The following GBF1 variants were observed in gnomAD, a reference collection of about 807,000 sequenced individuals.
GBF1 encodes the protein Golgi-specific brefeldin A-resistance guanine nucleotide exchange factor 1.
In GBF1, 114 loss-of-function variants were observed where a neutral mutation model predicts 210.5. That is an observed-to-expected ratio of 0.54 (90% CI 0.47 to 0.63). The LOEUF (loss-of-function observed/expected upper bound fraction) is 0.63, where lower values mean the gene tolerates loss of function less well. Among genes scored for constraint, GBF1 ranks in the 30% least tolerant of loss-of-function variants. The probability of loss-of-function intolerance (pLI) is 0.00; values close to 1 mark genes in which losing one functional copy is unlikely to be tolerated. For synonymous variants in GBF1, 850 were observed against 889.2 expected (o/e 0.96, Z 0.78); for missense variants, 1,851 against 2,357.7 (o/e 0.79, Z 4.45).
At chr10:102,342,919 A>C (rs570442991) in intron 3 of GBF1, among the ~76,000 whole-genome samples, 10 of 152,262 alleles carry the variant, frequency 6.6e-5, no homozygotes, top group Non-Finnish European at 1.2e-4. Flanking sequence ...TCATCTATTT[A>C]GGTAGAATAG....
In GBF1 at chr10:102,333,477, T is replaced by C. The variant is rs575873437; in HGVS notation, c.164-10574T>C. On this transcript the variant is annotated intron_variant, in intron 3 of 39. Transcript: ENST00000369983. ...TTGGACCACTACCCCTCTTTTTTTT[T>C]TTTTTCTTTTTGAAACAGGGTTCCA... Among the ~76,000 whole-genome samples the C allele has an allele frequency of 5.3e-5, 8 of 152,214 alleles. No homozygotes were observed. The East Asian group carries it at 1.5e-3, about 29-fold the overall frequency.
intron 12 of GBF1, 87 bp from the exon 13 acceptor site, chr10:102,360,935 A>T: frequency 1.4e-6 from 1 of 737,540 alleles, no homozygotes; most frequent in Non-Finnish European, 2.4e-6. Flanking sequence ...AGATTGCGCC[A>T]CTGCACTCCA....
At chr10:102,285,592 T>C (rs2075865465) in intron 3 of GBF1, among the ~76,000 whole-genome samples, 1 of 152,224 alleles carries the variant, frequency 6.6e-6, no homozygotes, top group South Asian at 2.1e-4. Context: ...CTCTCTTTTT[T>C]AGTCTCTCAG....
At chr10:102,364,097 G>GGTTA (rs1284910341) in intron 17 of GBF1, among the ~76,000 whole-genome samples, 1 of 152,036 alleles carries the variant, frequency 6.6e-6, no homozygotes, top group African/African-American at 2.4e-5. Context: ...GGTCATTGAA[G>GGTTA]GTTACTGTCA....
intron 14 of GBF1, 104 bp from the exon 15 acceptor site, chr10:102,362,370 TA>T (rs1215077720): frequency 6.0e-6 from 5 of 835,862 alleles, no homozygotes; most frequent in Non-Finnish European, 9.7e-6. Flanking sequence ...AGACGTTTTC[TA>T]AGGGCAATGT....
At chr10:102,297,177 A>G (rs1447279378) in intron 3 of GBF1, among the ~76,000 whole-genome samples, 1 of 152,248 alleles carries the variant, frequency 6.6e-6, no homozygotes, top group Non-Finnish European at 1.5e-5. Context: ...CACTGCCACT[A>G]AAAATTGCTG....
intron 3 of GBF1, among the ~76,000 whole-genome samples, chr10:102,291,558 T>G (rs1376072057): frequency 1.3e-5 from 2 of 152,228 alleles, no homozygotes. Flanking sequence ...TGTTTCCAGC[T>G]CTCAGAAAGG....
chr10:102,302,108 T>C (rs925992338), intron 3 of GBF1, among the ~76,000 whole-genome samples: 16 of 151,834 alleles, frequency 1.1e-4, no homozygotes, highest in African/African-American at 3.9e-4. Flanking sequence ...ACCAAAAAAA[T>C]AGAAAAACCA....
At chr10:102,246,580 C>T (rs566958928) in intron 1 of GBF1, among the ~76,000 whole-genome samples, 58 of 152,216 alleles carry the variant, frequency 3.8e-4, no homozygotes, top group Admixed American at 9.8e-4. Context: ...TGAATACTGG[C>T]AAAGTTTGGT....
At chr10:102,231,869 TCGC>T in the GBF1 span, 95 of 1,566,810 alleles carry the variant, frequency 6.1e-5, no homozygotes, top group Non-Finnish European at 7.1e-5. Flanking sequence ...CCTAAGCCAC[TCGC>T]TGGCTCCCAC....
intron 33 of GBF1, among the ~76,000 whole-genome samples, chr10:102,377,422 C>T (rs745895674): frequency 3.4e-4 from 51 of 151,882 alleles, no homozygotes; most frequent in Non-Finnish European, 5.7e-4. Flanking sequence ...GGCGTGATCT[C>T]GGCTCACTGC....
chr10:102,338,776 G>T (rs1410106066), intron 3 of GBF1, among the ~76,000 whole-genome samples: 2 of 151,626 alleles, frequency 1.3e-5, no homozygotes, highest in Non-Finnish European at 2.9e-5. Context: ...GAGATACCCC[G>T]TCTCTACTAA....
intron 3 of GBF1, among the ~76,000 whole-genome samples, chr10:102,281,576 A>G (rs1046069788): frequency 9.4e-5 from 14 of 149,066 alleles, no homozygotes; most frequent in African/African-American, 3.4e-4. Context: ...ATATTTATAT[A>G]AATTGTTATA....
chr10:102,342,498 G>GT (rs371594647), intron 3 of GBF1, among the ~76,000 whole-genome samples: 44 of 151,760 alleles, frequency 2.9e-4, no homozygotes, highest in African/African-American at 9.2e-4. Context: ...AGAGAAGCAG[G>GT]TTTTTTTTAC....
At chr10:102,243,172 C>T (rs1377172401), upstream of GBF1, among the ~76,000 whole-genome samples, 1 of 152,178 alleles carries the variant, frequency 6.6e-6, no homozygotes, top group Non-Finnish European at 1.5e-5. Flanking sequence ...TCAATTCCTA[C>T]TCCTCCAATG....
intron 17 of GBF1, among the ~76,000 whole-genome samples, chr10:102,364,472 C>T (rs1243958794): frequency 2.0e-5 from 3 of 150,926 alleles, no homozygotes; most frequent in South Asian, 2.1e-4. Context: ...GATCTGCCCA[C>T]CTTGGCCTCC....
chr10:102,376,984 A>G lies in GBF1; in HGVS notation c.4338A>G (p.Lys1446=). The change falls in exon 33 of 40, where the codon AAA becomes AAG. Residue 1446 remains lysine, a synonymous_variant. Coordinates refer to ENST00000369983, the MANE Select transcript of GBF1 (RefSeq NM_001377137.1). Reference sequence around the variant, plus strand: ...GCAAGAGTCACAAATATGACAGCAAAGGGAACCGCTTCAAGAAGAAATCCA... The same window carrying G: ...GCAAGAGTCACAAATATGACAGCAAGGGGAACCGCTTCAAGAAGAAATCCA... ...KRGKSHKYDS[K]GNRFKKKSKE... 6.2e-7 allele frequency: 1 copy of G among 1,614,216 alleles called. No individual in the cohort carries two copies. Among genetic ancestry groups the G allele is most frequent in the East Asian group, 2.2e-5 (1 of 44,890 alleles).
At chr10:102,323,424 C>G (rs1168053920) in intron 3 of GBF1, among the ~76,000 whole-genome samples, 5 of 152,128 alleles carry the variant, frequency 3.3e-5, no homozygotes, top group African/African-American at 1.2e-4. Context: ...AGGGGTGGCA[C>G]TGTAAGGGAC....
At chr10:102,258,606 T>G (rs2072763720) in intron 1 of GBF1, among the ~76,000 whole-genome samples, 1 of 150,178 alleles carries the variant, frequency 6.7e-6, no homozygotes, top group African/African-American at 2.4e-5. Context: ...ACCCCGTCTC[T>G]TCTAAAAAAA....
Sources: gnomAD v4.1 joint callset for allele counts (sites outside exome capture counted in the v4.1 genomes callset) on GRCh38, gnomAD v4.1.1 for gene constraint, MANE v1.5 for transcripts, NCBI Gene and HGNC (gene_info 2026-07-23, HGNC 2026-07-21) for gene names.